Variants in EPS8 observed in about 807,000 individuals in gnomAD.
EPS8 encodes EGFR pathway substrate 8, signaling adaptor.
In EPS8, 42 loss-of-function variants were observed where a neutral mutation model predicts 103.8. The observed-to-expected ratio is 0.40, with a 90% CI of 0.32 to 0.52. The LOEUF (loss-of-function observed/expected upper bound fraction) is 0.52, where lower values mean the gene tolerates loss of function less well. Ranked by LOEUF, EPS8 falls within the 20% of genes least tolerant of loss-of-function variation. The probability of loss-of-function intolerance (pLI) is 0.40; values close to 1 mark genes in which losing one functional copy is unlikely to be tolerated. For missense variants in EPS8, 969 were observed against 1,005.1 expected (o/e 0.96, Z 0.49); for synonymous variants, 344 against 344.6 (o/e 1.00, Z 0.02).
In EPS8 at chr12:15,669,836, G is replaced by T; in HGVS notation, c.205-11C>A. On this transcript the variant is annotated splice_polypyrimidine_tract_variant and intron_variant, in intron 4 of 20. Transcript: ENST00000281172. ...AAAGGTAGTCAAGTGCTTACAATTG[G>T]CAAAAAGGAAAAAGATTTATAACAC... 6.4e-7 allele frequency: 1 copy of T among 1,566,302 alleles called. No homozygotes were observed. Among genetic ancestry groups the T allele is most frequent in the Non-Finnish European group, 8.6e-7 (1 of 1,159,572 alleles).
In EPS8 at chr12:15,757,598, C is replaced by A. The variant is rs879677918; in HGVS notation, c.-22+31563G>T. ...TGAGTTGAGATCGCGCCACTGCACT[C>A]CAGCCTGGCAACAGAGCGAGACTCC... On this transcript the variant is annotated intron_variant, in intron 1 of 20. Coordinates refer to ENST00000281172, the MANE Select transcript of EPS8 (RefSeq NM_004447.6). The surrounding 1 kb of genome is among the most constrained non-coding windows in gnomAD (Gnocchi z 4.1). Among the ~76,000 whole-genome samples, 9 of 151,822 alleles carry A rather than the reference C, an allele frequency of 5.9e-5. No individual in the cohort carries two copies. Among genetic ancestry groups the A allele is most frequent in the Non-Finnish European group, 1.0e-4 (7 of 67,972 alleles).
chr12:15,678,786 C>T (rs956994142), intron 3 of EPS8, among the ~76,000 whole-genome samples: 2 of 151,830 alleles, frequency 1.3e-5, no homozygotes, highest in African/African-American at 4.8e-5. Context: ...TGGTGGCATG[C>T]ACCTATAGTC....
Position 15,650,842 on chromosome 12 carries a change from A to T in EPS8, c.1415T>A (p.Ile472Lys). The T allele has an allele frequency of 1.9e-6, 3 of 1,613,210 alleles. No homozygotes were observed. The highest frequency in any genetic ancestry group is 2.5e-6 in the Non-Finnish European group (3 of 1,179,630). ...NVAEHQRKQE[I>K]KRLSTEHSSV... is the part of the protein sequence containing the mutation. ...AACTACCTCTGTGGATAATCTTTTT[A>T]TTTCCTGTTTGCGCTGATGTTCTGC... The change falls in exon 14 of 21, where the codon ATA (isoleucine) becomes AAA (lysine). Residue 472 changes from isoleucine to lysine, a missense_variant. Ile to Lys is a moderately radical substitution (Grantham distance 102, BLOSUM62 -3). Coordinates refer to ENST00000281172, the MANE Select transcript of EPS8 (RefSeq NM_004447.6).
chr12:15,635,040 T>C (rs1383640219), intron 17 of EPS8, among the ~76,000 whole-genome samples: 1 of 152,178 alleles, frequency 6.6e-6, no homozygotes, highest in Non-Finnish European at 1.5e-5. Flanking sequence ...AGTAAAATAC[T>C]AAGATATAGG....
intron 1 of EPS8, among the ~76,000 whole-genome samples, chr12:15,710,249 T>A (rs1946444347): frequency 6.6e-6 from 1 of 152,226 alleles, no homozygotes; most frequent in African/African-American, 2.4e-5. Context: ...AGAGTAATAA[T>A]GAGTTGTCAG....
intron 1 of EPS8, among the ~76,000 whole-genome samples, chr12:15,715,483 C>G (rs766936674): frequency 8.8e-4 from 133 of 150,906 alleles, no homozygotes; most frequent in Admixed American, 2.5e-3. Context: ...CAGCTTCCGC[C>G]TACTGGGTTC....
Position 15,688,174 on chromosome 12 carries a change from C to G in EPS8, c.-21-5202G>C, listed in dbSNP as rs1946121097. 6.6e-6 allele frequency among the ~76,000 whole-genome samples: 1 copy of G among 152,134 alleles called. No individual in the cohort carries two copies. Among genetic ancestry groups the G allele is most frequent in the Non-Finnish European group, 1.5e-5 (1 of 68,024 alleles). On this transcript the variant is annotated intron_variant, in intron 1 of 20. Transcript: ENST00000281172. This position sits in a 1 kb window ranked among gnomAD's most constrained non-coding sequence, Gnocchi z 5.1. ...AAAGGGAAAGAAAACATTTAATGAG[C>G]CCCCAGTTCATAAGACATTTTACAA... is the stretch of plus-strand genomic sequence containing the variant.
At position 15,762,542 on chromosome 12, in the gene EPS8, C is replaced by T. The variant is rs1252553869; in HGVS notation, c.-22+26619G>A. Among the ~76,000 whole-genome samples, 1 of 152,150 alleles carries T rather than the reference C, an allele frequency of 6.6e-6. No homozygotes were observed. Among genetic ancestry groups the T allele is most frequent in the Non-Finnish European group, 1.5e-5 (1 of 68,024 alleles). On this transcript the variant is annotated intron_variant, in intron 1 of 20. Transcript: ENST00000281172. The surrounding 1 kb of genome is among the most constrained non-coding windows in gnomAD (Gnocchi z 4.8). Reference sequence around the variant, plus strand: ...AAGATTTGGAAGCAACCTAAGTGTCCATCAACAGATGAATGGATAAAGTAA... The same window carrying T: ...AAGATTTGGAAGCAACCTAAGTGTCTATCAACAGATGAATGGATAAAGTAA...
At chr12:15,724,845 A>C (rs1376307872) in intron 1 of EPS8, among the ~76,000 whole-genome samples, 1 of 152,164 alleles carries the variant, frequency 6.6e-6, no homozygotes, top group Non-Finnish European at 1.5e-5. Flanking sequence ...TGGAACTGTG[A>C]GTCCATTAAA....
intron 1 of EPS8, among the ~76,000 whole-genome samples, chr12:15,729,179 T>C (rs1202873134): frequency 1.3e-5 from 2 of 152,148 alleles, no homozygotes; most frequent in African/African-American, 2.4e-5. Context: ...AATCTTCCCA[T>C]TGTCTTTGAA....
intron 17 of EPS8, among the ~76,000 whole-genome samples, chr12:15,635,603 T>C (rs2135741172): frequency 6.6e-6 from 1 of 152,288 alleles, no homozygotes; most frequent in African/African-American, 2.4e-5. Context: ...GTTAGCGGTT[T>C]AGTAGTCACC....
At chr12:15,729,791 T>C (rs976208944) in intron 1 of EPS8, among the ~76,000 whole-genome samples, 2 of 152,194 alleles carry the variant, frequency 1.3e-5, no homozygotes, top group African/African-American at 4.8e-5. Flanking sequence ...AATGCGTGTA[T>C]GATTTCAATC....
rs543867716 is a variant in EPS8 at position 15,705,633 on chromosome 12, C to T, written c.-21-22661G>A. 3.9e-5 allele frequency among the ~76,000 whole-genome samples: 6 copies of T among 152,286 alleles called. No homozygotes were observed. In the South Asian group the frequency reaches 1.2e-3, roughly 32 times the overall value. Reference sequence around the variant, plus strand: ...TTATAAAATGATGCTAATTAAAGTACTTAACACTCATTTAAAAAGCAAAAT... The same window carrying T: ...TTATAAAATGATGCTAATTAAAGTATTTAACACTCATTTAAAAAGCAAAAT... On this transcript the variant is annotated intron_variant, in intron 1 of 20. Coordinates refer to ENST00000281172, the MANE Select transcript of EPS8 (RefSeq NM_004447.6).
chr12:15,718,874 G>GA (rs369469094), intron 1 of EPS8, among the ~76,000 whole-genome samples: 35 of 150,632 alleles, frequency 2.3e-4, no homozygotes, highest in South Asian at 1.1e-3. Flanking sequence ...GCCATTTAGA[G>GA]AAAAAAAAAG....
intron 1 of EPS8, among the ~76,000 whole-genome samples, chr12:15,774,858 G>A (rs1301333751): frequency 6.6e-6 from 1 of 151,466 alleles, no homozygotes; most frequent in Admixed American, 6.6e-5. Flanking sequence ...CTTTTTTTTA[G>A]TTCAGTGTAT....
In EPS8 at chr12:15,631,555, G is replaced by C. The variant is rs747053677; in HGVS notation, c.1931C>G (p.Pro644Arg). 9 of 1,614,054 alleles carry C rather than the reference G, an allele frequency of 5.6e-6. No homozygotes were observed. The South Asian group carries it at 9.9e-5, about 18-fold the overall frequency. ...PVPLPPSTPA[P>R]VPVSKVPANI... ...TGCTGGGACCTTTGACACAGGAACA[G>C]GTGCTGGAGTGGAAGGGGGAAGGGG... is the stretch of plus-strand genomic sequence containing the variant. The change falls in exon 18 of 21, where the codon CCT (proline) becomes CGT (arginine). Residue 644 changes from proline (P) to arginine (R), a missense_variant. Transcript: ENST00000281172.
At position 15,690,579 on chromosome 12, in the gene EPS8, T is replaced by C. The variant is rs1463278261; in HGVS notation, c.-21-7607A>G. 6.6e-6 allele frequency among the ~76,000 whole-genome samples: 1 copy of C among 152,206 alleles called. No individual in the cohort carries two copies. The highest frequency in any genetic ancestry group is 2.4e-5 in the African/African-American group (1 of 41,460). On this transcript the variant is annotated intron_variant, in intron 1 of 20. Coordinates refer to ENST00000281172, the MANE Select transcript of EPS8 (RefSeq NM_004447.6). The surrounding 1 kb of genome is among the most constrained non-coding windows in gnomAD (Gnocchi z 4.7). ...TATCAAGGATTATCCATTGTTTCAA[T>C]TTGTCTGCTCTATTTTAGTAATACA...
chr12:15,669,950 G>T, intron 4 of EPS8, 125 bp from the exon 5 acceptor site: 1 of 634,510 alleles, frequency 1.6e-6, no homozygotes, highest in Non-Finnish European at 2.5e-6. Flanking sequence ...CAAACACAAA[G>T]TACTCTTAAA....
intron 18 of EPS8, among the ~76,000 whole-genome samples, chr12:15,625,876 G>A (rs1222107464): frequency 6.6e-6 from 1 of 152,138 alleles, no homozygotes; most frequent in Non-Finnish European, 1.5e-5. Context: ...AAAAGATGAT[G>A]GTTACCAAAT....
Sources: gnomAD v4.1 joint callset for allele counts (sites outside exome capture counted in the v4.1 genomes callset) on GRCh38, gnomAD v4.1.1 for gene constraint, Gnocchi (gnomAD v3.1) non-coding constraint, MANE v1.5 for transcripts, NCBI Gene and HGNC (gene_info 2026-07-23, HGNC 2026-07-21) for gene names.